Variants in SENP1 observed in about 807,000 individuals in gnomAD.
SENP1 encodes the protein SUMO specific peptidase 1.
SENP1 carries 21 observed loss-of-function variants against 93.0 expected under a neutral mutation model. That is an observed-to-expected ratio of 0.23 (90% CI 0.16 to 0.33). SENP1 has a LOEUF of 0.33. SENP1 is among the 10% of genes least tolerant of loss of function. SENP1 has a pLI of 1.00. For missense variants in SENP1, 591 were observed against 758.7 expected (o/e 0.78, Z 2.60); for synonymous variants, 256 against 259.6 (o/e 0.99, Z 0.13).
At chr12:48,068,405 TA>T (rs1360714121) in intron 9 of SENP1, among the ~76,000 whole-genome samples, 1 of 152,190 alleles carries the variant, frequency 6.6e-6, no homozygotes, top group African/African-American at 2.4e-5. Flanking sequence ...ATGTATTAGT[TA>T]AGCCTAATGA....
intron 5 of SENP1, among the ~76,000 whole-genome samples, chr12:48,088,253 C>T (rs887011802): frequency 6.6e-6 from 1 of 152,134 alleles, no homozygotes; most frequent in African/African-American, 2.4e-5. Context: ...CAGGGTTTCA[C>T]CATGTTGGCC....
At chr12:48,105,534 G>A in intron 1 of SENP1, 1 of 511,436 alleles carries the variant, frequency 2.0e-6, no homozygotes, top group Non-Finnish European at 3.9e-6. Flanking sequence ...CCACAGAGTA[G>A]GAGAGTTGGA....
At chr12:48,073,311 C>T (rs1943842194) in intron 8 of SENP1, among the ~76,000 whole-genome samples, 1 of 149,592 alleles carries the variant, frequency 6.7e-6, no homozygotes, top group Non-Finnish European at 1.5e-5. Context: ...GTTCTCAGTA[C>T]ATCACCTCAC....
intron 8 of SENP1, among the ~76,000 whole-genome samples, chr12:48,073,364 T>C (rs1943844859): frequency 6.6e-6 from 1 of 151,014 alleles, no homozygotes; most frequent in Admixed American, 6.6e-5. Context: ...AGCTATACAA[T>C]GATGCTACCA....
intron 5 of SENP1, chr12:48,085,463 T>A: frequency 1.5e-6 from 1 of 685,848 alleles, no homozygotes; most frequent in East Asian, 3.0e-5. Flanking sequence ...AGCCCTTCCC[T>A]CATTCTCAGG....
intron 13 of SENP1, among the ~76,000 whole-genome samples, chr12:48,051,316 C>T (rs960987023): frequency 6.6e-6 from 1 of 152,166 alleles, no homozygotes; most frequent in African/African-American, 2.4e-5. Context: ...TTTGAGAATT[C>T]CTCTTCCATT....
intron 5 of SENP1, among the ~76,000 whole-genome samples, chr12:48,084,449 T>TTTTA (rs1555184419): frequency 1.5e-4 from 4 of 27,408 alleles, no homozygotes; most frequent in African/African-American, 2.1e-4. Flanking sequence ...AATTTTGAGT[T>TTTTA]TTTTTTTTTT....
In SENP1 at chr12:48,083,581, T is replaced by G; in HGVS notation, c.552+10A>C. 1 of 1,610,702 alleles carries G rather than the reference T, an allele frequency of 6.2e-7. No individual in the cohort carries two copies. Among genetic ancestry groups the G allele is most frequent in the Non-Finnish European group, 8.5e-7 (1 of 1,178,550 alleles). ...AACTTTTAGTAGCTTTTGTCACACG[T>G]TTTCCTTACCTCTTCTGCTGTACTA... On this transcript the variant is annotated intron_variant, in intron 6 of 17. Transcript: ENST00000549518.
chr12:48,048,430 A>T (rs1444625286), intron 14 of SENP1, among the ~76,000 whole-genome samples: 1 of 152,220 alleles, frequency 6.6e-6, no homozygotes. Flanking sequence ...TTTCAGAAAG[A>T]TGGTGAGCAG....
chr12:48,102,444 A>C (rs1393044346), intron 1 of SENP1, among the ~76,000 whole-genome samples: 2 of 150,378 alleles, frequency 1.3e-5, no homozygotes, highest in Non-Finnish European at 3.0e-5. Context: ...AAAAAAAAAA[A>C]AAAAAAAAAA....
Position 48,076,641 on chromosome 12 carries a change from TGC to T in SENP1, c.553-1850_553-1849del, listed in dbSNP as rs1491337192. ...GCCACAGCACCCAATATGTAGTTTTTGCTTTTTTTTTTTCTTTTTTGAGACGG... is the reference window on the plus strand; with the variant it reads ...GCCACAGCACCCAATATGTAGTTTTTTTTTTTTTTTTCTTTTTTGAGACGG... On this transcript the variant is annotated intron_variant, in intron 6 of 17. Transcript: ENST00000549518. 3.3e-3 allele frequency among the ~76,000 whole-genome samples: 416 copies of T among 126,022 alleles called. 7 individuals carry two copies. Among genetic ancestry groups the T allele is most frequent in the South Asian group, 0.023 (82 of 3,608 alleles). The allele number at this position is 126,022 out of a possible 152,430, so 82.7% of individuals were successfully genotyped here.
chr12:48,087,030 C>A (rs1944918423), intron 5 of SENP1, among the ~76,000 whole-genome samples: 1 of 151,974 alleles, frequency 6.6e-6, no homozygotes. Flanking sequence ...CAGAGCAAGG[C>A]TCCGTCTCAA....
chr12:48,076,900 C>T (rs892423456), intron 6 of SENP1, among the ~76,000 whole-genome samples: 1 of 152,164 alleles, frequency 6.6e-6, no homozygotes, highest in African/African-American at 2.4e-5. Flanking sequence ...CTGCCTCGGC[C>T]TCCCAAAGTG....
chr12:48,098,824 T>C (rs73102065), intron 2 of SENP1, among the ~76,000 whole-genome samples: 25,274 of 149,736 alleles, frequency 0.17, 2,447 homozygotes, highest in East Asian at 0.29. Flanking sequence ...ACAATAATAA[T>C]AAAAAAAGAC....
intron 2 of SENP1, among the ~76,000 whole-genome samples, chr12:48,099,812 T>G (rs1186807028): frequency 1.3e-5 from 2 of 152,092 alleles, no homozygotes; most frequent in African/African-American, 4.8e-5. Context: ...CTGTCTCTAA[T>G]AATAATAATA....
chr12:48,065,646 A>G lies in SENP1; in HGVS notation c.1069T>C (p.Leu357=). The change falls in exon 11 of 18, where the codon TTG becomes CTG. Residue 357 remains leucine (L), a synonymous_variant. Coordinates refer to ENST00000549518, the MANE Select transcript of SENP1 (RefSeq NM_001267594.2). ...SVYDSRARER[L]RQIEEQKALA... Reference sequence around the variant, plus strand: ...GCCTTCTGTTCTTCAATCTGGCGCAATCTTTCTCGTGCTCGAGAATCATAA... The same window carrying G: ...GCCTTCTGTTCTTCAATCTGGCGCAGTCTTTCTCGTGCTCGAGAATCATAA... The G allele has an allele frequency of 1.3e-6, 2 of 1,562,488 alleles. No homozygotes were observed. Among genetic ancestry groups the G allele is most frequent in the Non-Finnish European group, 1.7e-6 (2 of 1,151,714 alleles).
intron 1 of SENP1, among the ~76,000 whole-genome samples, chr12:48,102,431 CAAAAA>C (rs57161608): frequency 5.7e-4 from 27 of 47,468 alleles, no homozygotes; most frequent in African/African-American, 1.2e-3. Context: ...GACTCTGTCT[CAAAAA>C]AAAAAAAAAA....
At chr12:48,095,392 C>T (rs542133519) in intron 4 of SENP1, among the ~76,000 whole-genome samples, 37 of 151,678 alleles carry the variant, frequency 2.4e-4, no homozygotes, top group Non-Finnish European at 1.2e-4. Context: ...AAAATTTAGC[C>T]GGGCGTGGTG....
At chr12:48,050,730 A>G (rs939239282) in intron 13 of SENP1, among the ~76,000 whole-genome samples, 1 of 152,200 alleles carries the variant, frequency 6.6e-6, no homozygotes, top group African/African-American at 2.4e-5. Context: ...ATGCAGTAGG[A>G]TCTTCCCAGC....
Sources: gnomAD v4.1 joint callset for allele counts (sites outside exome capture counted in the v4.1 genomes callset) on GRCh38, gnomAD v4.1.1 for gene constraint, MANE v1.5 for transcripts, NCBI Gene and HGNC (gene_info 2026-07-23, HGNC 2026-07-21) for gene names.